Variants in SLC44A5 observed in about 807,000 individuals in gnomAD.
SLC44A5 encodes choline transporter-like protein 5.
SLC44A5 carries 57 observed loss-of-function variants against 101.8 expected under a neutral mutation model. That is an observed-to-expected ratio of 0.56 (90% CI 0.45 to 0.70). The LOEUF (loss-of-function observed/expected upper bound fraction) is 0.70, where lower values mean the gene tolerates loss of function less well. Among genes scored for constraint, SLC44A5 ranks in the 30% least tolerant of loss-of-function variants. SLC44A5 has a pLI of 0.00. For missense variants in SLC44A5, 737 were observed against 853.1 expected, an observed-to-expected ratio of 0.86 and a Z score of 1.70; for synonymous variants, 281 against 290.9, an observed-to-expected ratio of 0.97 and a Z score of 0.35.
At chr1:75,702,139 C>G in the SLC44A5 span, among the ~76,000 whole-genome samples, 1 of 152,002 alleles carries the variant, frequency 6.6e-6, no homozygotes. Flanking sequence ...ACTTTCTTCA[C>G]AGAATTGGAA....
chr1:75,397,027 T>C (rs1392430327), intron 2 of SLC44A5, among the ~76,000 whole-genome samples: 2 of 152,176 alleles, frequency 1.3e-5, no homozygotes, highest in Non-Finnish European at 2.9e-5. Flanking sequence ...CATGAAAAAC[T>C]TAATATGCAT....
At chr1:75,415,157 G>A (rs1557761824) in intron 2 of SLC44A5, among the ~76,000 whole-genome samples, 1 of 152,130 alleles carries the variant, frequency 6.6e-6, no homozygotes, top group Non-Finnish European at 1.5e-5. Context: ...GACATAATTT[G>A]ATATAGTTTG....
the SLC44A5 span, chr1:75,641,976 AATCATCTTCCTCCTC>A: frequency 6.4e-7 from 1 of 1,570,334 alleles, no homozygotes; most frequent in Non-Finnish European, 8.7e-7. Context: ...TCTGGTGGAG[AATCATCTTCCTCCTC>A]ATCATCTTCA....
intron 5 of SLC44A5, among the ~76,000 whole-genome samples, chr1:75,291,859 A>G (rs1441289121): frequency 6.6e-6 from 1 of 151,916 alleles, no homozygotes; most frequent in Non-Finnish European, 1.5e-5. Flanking sequence ...AAAAATACAA[A>G]AAATTAGCCA....
chr1:75,419,429 A>G (rs1663863897), intron 2 of SLC44A5, among the ~76,000 whole-genome samples: 1 of 151,990 alleles, frequency 6.6e-6, no homozygotes, highest in South Asian at 2.1e-4. Flanking sequence ...CTCATCAGAA[A>G]ACTAAGACAA....
chr1:75,391,712 A>G (rs543429371), intron 3 of SLC44A5, among the ~76,000 whole-genome samples: 14 of 152,226 alleles, frequency 9.2e-5, no homozygotes, highest in Non-Finnish European at 1.3e-4. Flanking sequence ...CACCATATAC[A>G]AAACTTAACT....
upstream of SLC44A5, chr1:75,615,762 T>C: frequency 1.3e-6 from 1 of 779,902 alleles, no homozygotes; most frequent in South Asian, 5.7e-5. Context: ...GCCTTCCACT[T>C]GGCCGCGCCT....
At chr1:75,374,088 A>G (rs955884671) in intron 3 of SLC44A5, among the ~76,000 whole-genome samples, 8 of 152,166 alleles carry the variant, frequency 5.3e-5, no homozygotes, top group Non-Finnish European at 1.2e-4. Context: ...ACATTTTGGA[A>G]CAGCAAGTGA....
At chr1:75,639,059 A>G in the SLC44A5 span, among the ~76,000 whole-genome samples, 1 of 152,076 alleles carries the variant, frequency 6.6e-6, no homozygotes, top group African/African-American at 2.4e-5. Context: ...GATGGGGGGA[A>G]GAGAGTTGGA....
At chr1:75,574,379 C>A (rs1557923195) in intron 1 of SLC44A5, among the ~76,000 whole-genome samples, 1 of 152,218 alleles carries the variant, frequency 6.6e-6, no homozygotes, top group Non-Finnish European at 1.5e-5. Flanking sequence ...AATAGCAAAT[C>A]ATTAACTGTC....
At chr1:75,620,888 T>G in the SLC44A5 span, among the ~76,000 whole-genome samples, 2 of 152,202 alleles carry the variant, frequency 1.3e-5, no homozygotes, top group African/African-American at 2.4e-5. Flanking sequence ...TTTTGATGTT[T>G]TAGTCATGAA....
At chr1:75,633,785 C>A in the SLC44A5 span, among the ~76,000 whole-genome samples, 1 of 152,070 alleles carries the variant, frequency 6.6e-6, no homozygotes, top group African/African-American at 2.4e-5. Context: ...GAGAGGGCAT[C>A]CCTGTCTTGT....
intron 3 of SLC44A5, among the ~76,000 whole-genome samples, chr1:75,393,800 T>C (rs369455831): frequency 2.0e-5 from 3 of 152,122 alleles, no homozygotes; most frequent in East Asian, 1.9e-4. Flanking sequence ...CAGATAAAAA[T>C]GAGTTAGGAG....
chr1:75,211,164 T>C (rs1428965372), intron 23 of SLC44A5, among the ~76,000 whole-genome samples: 1 of 152,166 alleles, frequency 6.6e-6, no homozygotes, highest in Non-Finnish European at 1.5e-5. Context: ...GACCAACATC[T>C]CTCTATTTTA....
chr1:75,436,810 C>T (rs1664916508), intron 2 of SLC44A5, among the ~76,000 whole-genome samples: 1 of 152,080 alleles, frequency 6.6e-6, no homozygotes, highest in South Asian at 2.1e-4. Context: ...AGTCTGTTTT[C>T]TTTTTGTCCT....
the SLC44A5 span, among the ~76,000 whole-genome samples, chr1:75,679,979 A>C: frequency 3.9e-5 from 6 of 152,166 alleles, no homozygotes; most frequent in African/African-American, 9.7e-5. Flanking sequence ...TCTGATAAAA[A>C]AGACTTTAAA....
At chr1:75,387,163 GTCT>G (rs1395622108) in intron 3 of SLC44A5, among the ~76,000 whole-genome samples, 1 of 152,170 alleles carries the variant, frequency 6.6e-6, no homozygotes, top group African/African-American at 2.4e-5. Flanking sequence ...AGGACTTCAT[GTCT>G]AAAATACCAA....
intron 5 of SLC44A5, among the ~76,000 whole-genome samples, chr1:75,279,126 A>G (rs1298974543): frequency 1.3e-5 from 2 of 152,062 alleles, no homozygotes; most frequent in Non-Finnish European, 2.9e-5. Context: ...TCCCCACTGT[A>G]CTGTCAGATA....
chr1:75,267,326 TG>T (rs200634701), intron 6 of SLC44A5, among the ~76,000 whole-genome samples: 7 of 152,158 alleles, frequency 4.6e-5, no homozygotes, highest in Admixed American at 1.3e-4. Flanking sequence ...AATGTTTATC[TG>T]GTTTTTTTTT....
Sources: allele counts gnomAD v4.1 joint callset (sites outside exome capture counted in the v4.1 genomes callset), GRCh38; gene constraint gnomAD v4.1.1; transcripts MANE v1.5; gene names NCBI Gene and HGNC (gene_info 2026-07-23, HGNC 2026-07-21).